The following GPHN variants were observed in gnomAD, a reference collection of about 807,000 sequenced individuals.
The protein encoded by GPHN is gephyrin.
In GPHN, 17 loss-of-function variants were observed where a neutral mutation model predicts 95.5. That is an observed-to-expected ratio of 0.18 (90% CI 0.12 to 0.27). GPHN has a LOEUF of 0.27. Ranked by LOEUF, GPHN falls within the 10% of genes least tolerant of loss-of-function variation. GPHN has a pLI of 1.00. For missense variants in GPHN, 660 were observed against 978.1 expected, an observed-to-expected ratio of 0.67 and a Z score of 4.34; for synonymous variants, 320 against 322.5, an observed-to-expected ratio of 0.99 and a Z score of 0.08.
intron 9 of GPHN, among the ~76,000 whole-genome samples, chr14:67,011,573 CAAAAAAAAAA>C (rs201978777): frequency 0.028 from 1,743 of 63,178 alleles, 20 homozygotes; most frequent in Middle Eastern, 0.038. Flanking sequence ...GACCTTGCCT[CAAAAAAAAAA>C]AAAAAAAAAA....
At chr14:67,543,644 C>A in the GPHN span, among the ~76,000 whole-genome samples, 3 of 151,946 alleles carry the variant, frequency 2.0e-5, no homozygotes, top group Admixed American at 6.6e-5. Context: ...AGTTTGAGAA[C>A]CCTGACTTAA....
the GPHN span, chr14:67,203,242 T>C: frequency 6.2e-7 from 1 of 1,610,960 alleles, no homozygotes; most frequent in Non-Finnish European, 8.5e-7. Flanking sequence ...ACAGAAACCC[T>C]GTTTAAAAGT....
intron 10 of GPHN, among the ~76,000 whole-genome samples, chr14:67,052,210 A>T (rs1369245941): frequency 6.6e-6 from 1 of 152,124 alleles, no homozygotes; most frequent in Non-Finnish European, 1.5e-5. Context: ...TATTAAAGAG[A>T]CCCATCTCAT....
chr14:67,080,447 CTA>C (rs2076648214), intron 11 of GPHN, among the ~76,000 whole-genome samples: 2 of 151,650 alleles, frequency 1.3e-5, no homozygotes, highest in East Asian at 3.9e-4. Context: ...CTTTAGTTGC[CTA>C]TGTTTTTGGT....
chr14:66,557,232 GGT>G (rs1566598989), intron 1 of GPHN, among the ~76,000 whole-genome samples: 2 of 125,400 alleles, frequency 1.6e-5, no homozygotes, highest in African/African-American at 6.0e-5. Flanking sequence ...TAGATACATA[GGT>G]AGGTAGATAG....
chr14:67,549,163 T>TA, the GPHN span, among the ~76,000 whole-genome samples: 2 of 152,210 alleles, frequency 1.3e-5, no homozygotes, highest in African/African-American at 4.8e-5. Flanking sequence ...GAATGGGTCT[T>TA]AGCAGGTCTT....
chr14:66,722,876 A>G (rs1193053133), intron 2 of GPHN, among the ~76,000 whole-genome samples: 1 of 152,200 alleles, frequency 6.6e-6, no homozygotes, highest in East Asian at 1.9e-4. Flanking sequence ...TTTAAAAAAT[A>G]TATTCAGTTT....
intron 5 of GPHN, among the ~76,000 whole-genome samples, chr14:66,887,003 G>A (rs1039375666): frequency 4.6e-5 from 7 of 152,096 alleles, no homozygotes; most frequent in African/African-American, 7.2e-5. Flanking sequence ...CAAGTCCTTC[G>A]GAACAACCAG....
chr14:67,566,994 C>A, the GPHN span, among the ~76,000 whole-genome samples: 1 of 152,126 alleles, frequency 6.6e-6, no homozygotes, highest in Admixed American at 6.5e-5. Context: ...AACCTCCCTG[C>A]CCCCAGCTAG....
the GPHN span, among the ~76,000 whole-genome samples, chr14:67,550,480 C>T: frequency 6.6e-6 from 1 of 152,168 alleles, no homozygotes; most frequent in African/African-American, 2.4e-5. Flanking sequence ...TGCACCACCG[C>T]GCCCAGCCAA....
chr14:67,642,560 AC>A, the GPHN span, among the ~76,000 whole-genome samples: 1 of 152,268 alleles, frequency 6.6e-6, no homozygotes, highest in East Asian at 1.9e-4. Context: ...TCTTTGTATG[AC>A]ACATTGCACA....
intron 1 of GPHN, among the ~76,000 whole-genome samples, chr14:66,676,154 A>T (rs943366794): frequency 3.3e-5 from 5 of 150,598 alleles, no homozygotes. Flanking sequence ...TTCAACCCCA[A>T]CCTCCCCTCT....
chr14:66,630,763 C>T (rs533129976), intron 1 of GPHN, among the ~76,000 whole-genome samples: 2 of 152,274 alleles, frequency 1.3e-5, no homozygotes, highest in South Asian at 2.1e-4. Context: ...TGAGCCACTG[C>T]GCCCAGCCAT....
In GPHN at chr14:66,518,938, T is replaced by A. The variant is rs958450875; in HGVS notation, c.64+10347T>A. On this transcript the variant is annotated intron_variant, in intron 1 of 22. Coordinates refer to ENST00000478722, the MANE Select transcript of GPHN (RefSeq NM_020806.5). The stretch of plus-strand genomic sequence containing the variant: ...CTGTAGCATTGTAGGGTGACTATAG[T>A]TAACAGTAATATATAGTTTCAAATA... Among the ~76,000 whole-genome samples, 4 of 152,016 alleles carry A rather than the reference T, an allele frequency of 2.6e-5. No individual in the cohort carries two copies. In the South Asian group the frequency reaches 8.3e-4, roughly 32 times the overall value.
intron 1 of GPHN, among the ~76,000 whole-genome samples, chr14:66,559,601 G>A (rs539475470): frequency 6.6e-6 from 1 of 151,874 alleles, no homozygotes; most frequent in South Asian, 2.1e-4. Flanking sequence ...TTTTTTTCTT[G>A]TAAATTTGTT....
intron 9 of GPHN, among the ~76,000 whole-genome samples, chr14:67,002,055 G>C (rs1039502163): frequency 1.3e-5 from 2 of 151,476 alleles, no homozygotes; most frequent in Admixed American, 1.3e-4. Flanking sequence ...GTGTTCTTCA[G>C]CTAAGCCACA....
chr14:67,698,760 C>T, the GPHN span, among the ~76,000 whole-genome samples: 3 of 152,236 alleles, frequency 2.0e-5, no homozygotes, highest in Middle Eastern at 3.4e-3. Context: ...TGCAGCTACT[C>T]GACTCTGCTG....
At chr14:67,645,963 G>A in the GPHN span, among the ~76,000 whole-genome samples, 1 of 152,156 alleles carries the variant, frequency 6.6e-6, no homozygotes, top group Non-Finnish European at 1.5e-5. Flanking sequence ...CAGATGCTAG[G>A]GGTATAAAGA....
intron 6 of GPHN, 58 bp from the exon 7 acceptor site, chr14:66,922,608 T>C (rs2066280468): frequency 7.3e-7 from 1 of 1,366,010 alleles, no homozygotes; most frequent in South Asian, 1.3e-5. Context: ...ATTGCCACCA[T>C]CTTATATAAT....
Sources: allele counts gnomAD v4.1 joint callset (sites outside exome capture counted in the v4.1 genomes callset), GRCh38; gene constraint gnomAD v4.1.1; transcripts MANE v1.5; gene names NCBI Gene and HGNC (gene_info 2026-07-23, HGNC 2026-07-21).